Variants in TLR7 observed in about 807,000 individuals in gnomAD.
TLR7 encodes the protein toll-like receptor 7.
TLR7 carries 12 observed loss-of-function variants against 38.3 expected under a neutral mutation model. The ratio of observed to expected loss-of-function variants is 0.31; its 90% CI spans 0.20 to 0.51. The LOEUF (loss-of-function observed/expected upper bound fraction) is 0.51. TLR7 is among the 20% of genes least tolerant of loss of function. The probability of loss-of-function intolerance (pLI) is 0.98; values close to 1 mark genes in which losing one functional copy is unlikely to be tolerated. For synonymous variants in TLR7, 285 were observed against 293.8 expected, an observed-to-expected ratio of 0.97 and a Z score of 0.31; for missense variants, 504 against 743.4, an observed-to-expected ratio of 0.68 and a Z score of 3.74.
chrX:12,877,890 G>C (rs2042878436), intron 2 of TLR7, among the ~76,000 whole-genome samples: 1 of 111,670 alleles, frequency 9.0e-6, no homozygotes. Context: ...ATTTATACTA[G>C]TATAATGTGA....
chrX:12,868,506 G>A (rs1196993511), intron 2 of TLR7, among the ~76,000 whole-genome samples: 1 of 111,487 alleles, frequency 9.0e-6, no homozygotes, highest in Non-Finnish European at 1.9e-5. Flanking sequence ...ACTAGTTGGG[G>A]GGGCCTTGTG....
rs5743774 is a variant in TLR7 at position 12,883,993 on chromosome X, C to A, written c.4-1519C>A. Reference sequence around the variant, plus strand: ...AGGGAAGTAGGATTTTTTTGTTTTTCTTTTGAGACAGGGTCTTGCTCTGTC... The same window carrying A: ...AGGGAAGTAGGATTTTTTTGTTTTTATTTTGAGACAGGGTCTTGCTCTGTC... On this transcript the variant is annotated intron_variant, in intron 2 of 2. Coordinates refer to ENST00000380659, the MANE Select transcript of TLR7 (RefSeq NM_016562.4). Among the ~76,000 whole-genome samples the A allele has an allele frequency of 4.4e-3, 488 of 110,460 alleles. 3 individuals are homozygous for A. The highest frequency in any genetic ancestry group is 3.8e-3 in the Non-Finnish European group (199 of 52,721).
chrX:12,867,623 T>A lies in TLR7; in HGVS notation c.3+42T>A, dbSNP rs750831973. On this transcript the variant is annotated intron_variant, in intron 2 of 2. Coordinates refer to ENST00000380659, the MANE Select transcript of TLR7 (RefSeq NM_016562.4). ...GAACCTTAAAAAGTGTTATCTGTAA[T>A]CTTTGTGGAAACAACTGAAACCAGC... 1.1e-5 allele frequency: 13 copies of A among 1,175,787 alleles called. No homozygotes were observed. In the Admixed American group the frequency reaches 2.9e-4, roughly 26 times the overall value.
intron 2 of TLR7, among the ~76,000 whole-genome samples, chrX:12,879,540 C>T (rs1029199452): frequency 4.5e-5 from 5 of 111,891 alleles, no homozygotes; most frequent in Non-Finnish European, 7.5e-5. Flanking sequence ...GGGTCATCTA[C>T]GTCATCTAAC....
At position 12,888,546 on chromosome X, in the gene TLR7, T is replaced by C; in HGVS notation, c.3038T>C (p.Leu1013Pro). The C allele has an allele frequency of 8.3e-7, 1 of 1,211,862 alleles. No individual in the cohort carries two copies. The highest frequency in any genetic ancestry group is 1.1e-6 in the Non-Finnish European group (1 of 895,542). ...LRKRLCGSSV[L>P]EWPTNPQAHP... is the part of the protein sequence containing the mutation. ...AAAAGGCTCTGTGGGAGTTCTGTCCTTGAGTGGCCAACAAACCCGCAAGCT... is the reference window on the plus strand; with the variant it reads ...AAAAGGCTCTGTGGGAGTTCTGTCCCTGAGTGGCCAACAAACCCGCAAGCT... Residue 1013 changes from leucine (L) to proline (P), a missense_variant, in exon 3 of 3, where the codon CTT becomes CCT. Transcript: ENST00000380659.
chrX:12,874,069 C>T (rs1469652260), intron 2 of TLR7, among the ~76,000 whole-genome samples: 3 of 112,431 alleles, frequency 2.7e-5, no homozygotes, highest in Admixed American at 9.4e-5. Context: ...CCTGTAATCC[C>T]AGCACTTTGG....
At chrX:12,872,261 A>G (rs1423251084) in intron 2 of TLR7, among the ~76,000 whole-genome samples, 1 of 111,788 alleles carries the variant, frequency 8.9e-6, no homozygotes, top group Non-Finnish European at 1.9e-5. Flanking sequence ...ACTGCTTTCT[A>G]TCATGGGTCC....
chrX:12,883,585 G>C (rs1389423182), intron 2 of TLR7, among the ~76,000 whole-genome samples: 1 of 111,710 alleles, frequency 9.0e-6, no homozygotes, highest in Non-Finnish European at 1.9e-5. Flanking sequence ...GGGAGGCTGA[G>C]GTGGGACGAT....
intron 2 of TLR7, among the ~76,000 whole-genome samples, chrX:12,871,953 A>G (rs1030345330): frequency 1.8e-5 from 2 of 112,295 alleles, no homozygotes; most frequent in African/African-American, 6.5e-5. Context: ...AGCTATGCAA[A>G]GAATATATAA....
At chrX:12,881,427 GTCAT>G (rs2042891127) in intron 2 of TLR7, among the ~76,000 whole-genome samples, 1 of 104,668 alleles carries the variant, frequency 9.6e-6, no homozygotes, top group African/African-American at 3.6e-5. Context: ...AAATAAATGA[GTCAT>G]TTATTCTTTT....
intron 2 of TLR7, among the ~76,000 whole-genome samples, chrX:12,872,894 T>C (rs2042858019): frequency 9.1e-6 from 1 of 109,316 alleles, no homozygotes; most frequent in African/African-American, 3.3e-5. Flanking sequence ...GCCAGCAGCA[T>C]CCTTCTCAAA....
chrX:12,875,666 T>C (rs886864474), intron 2 of TLR7, among the ~76,000 whole-genome samples: 6 of 111,590 alleles, frequency 5.4e-5, no homozygotes, highest in Admixed American at 9.5e-5. Flanking sequence ...GATGGTTTCA[T>C]AAACGGCAGT....
intron 2 of TLR7, among the ~76,000 whole-genome samples, chrX:12,878,996 C>T (rs924179453): frequency 3.6e-5 from 4 of 112,177 alleles, no homozygotes; most frequent in Non-Finnish European, 5.6e-5. Flanking sequence ...TTCAGGATGT[C>T]TTACTCAACT....
rs768852040 is a variant in TLR7, at chrX:12,867,554, A to G, written c.-25A>G. The G allele has an allele frequency of 1.2e-5, 15 of 1,206,245 alleles. No homozygotes were observed. Among genetic ancestry groups the G allele is most frequent in the African/African-American group, 1.8e-5 (1 of 57,098 alleles). On this transcript the variant is annotated 5_prime_UTR_variant, in exon 2 of 3. Coordinates refer to ENST00000380659, the MANE Select transcript of TLR7 (RefSeq NM_016562.4). ...CTGCTCTCTTCAACCAGACCTCTAC[A>G]TTCCATTTTGGAAGAAGACTAAAAA...
chrX:12,886,769 A>C lies in TLR7; in HGVS notation c.1261A>C (p.Lys421Gln). The change falls in exon 3 of 3, where the codon AAA (lysine) becomes CAA (glutamine). Residue 421 changes from lysine to glutamine, a missense_variant. Transcript: ENST00000380659. The stretch of plus-strand genomic sequence containing the variant: ...TAACCTCAGCATGTTTAAACAATTT[A>C]AAAGACTGAAAGTCATAGATCTTTC... ...IANLSMFKQF[K>Q]RLKVIDLSVN... 1 of 1,207,540 alleles carries C rather than the reference A, an allele frequency of 8.3e-7. No homozygotes were observed. The highest frequency in any genetic ancestry group is 1.1e-6 in the Non-Finnish European group (1 of 892,956).
chrX:12,885,309 G>T (rs758491873), intron 2 of TLR7, among the ~76,000 whole-genome samples: 34 of 112,367 alleles, frequency 3.0e-4, no homozygotes, highest in Non-Finnish European at 5.3e-4. Context: ...GATGCTAAAA[G>T]CTAAATATGT....
At chrX:12,872,181 G>A (rs907456368) in intron 2 of TLR7, among the ~76,000 whole-genome samples, 8 of 111,751 alleles carry the variant, frequency 7.2e-5, no homozygotes, top group Non-Finnish European at 1.5e-4. Context: ...CTGACTTCCT[G>A]TTCCAGTTAC....
chrX:12,869,018 C>T (rs921497375), intron 2 of TLR7, among the ~76,000 whole-genome samples: 4 of 111,350 alleles, frequency 3.6e-5, no homozygotes, highest in African/African-American at 1.3e-4. Flanking sequence ...ATTTTGGCCT[C>T]AAAGTAGCCC....
In TLR7 at chrX:12,888,531, G is replaced by A. The variant is rs749485283; in HGVS notation, c.3023G>A (p.Cys1008Tyr). 8.3e-7 allele frequency: 1 copy of A among 1,211,986 alleles called. No homozygotes were observed. The highest frequency in any genetic ancestry group is 1.1e-6 in the Non-Finnish European group (1 of 895,597). The change falls in exon 3 of 3, where the codon TGT (cysteine) becomes TAT (tyrosine). Residue 1008 changes from cysteine to tyrosine, a missense_variant. Cys to Tyr is a radical substitution (Grantham distance 194). Coordinates refer to ENST00000380659, the MANE Select transcript of TLR7 (RefSeq NM_016562.4). ...SKFLQLRKRL[C>Y]GSSVLEWPTN... Reference sequence around the variant, plus strand: ...TTCCTCCAGCTCCGGAAAAGGCTCTGTGGGAGTTCTGTCCTTGAGTGGCCA... The same window carrying A: ...TTCCTCCAGCTCCGGAAAAGGCTCTATGGGAGTTCTGTCCTTGAGTGGCCA...
Sources: allele counts gnomAD v4.1 joint callset (sites outside exome capture counted in the v4.1 genomes callset), GRCh38; gene constraint gnomAD v4.1.1; transcripts MANE v1.5; gene names NCBI Gene and HGNC (gene_info 2026-07-23, HGNC 2026-07-21).